PLCE1: variants seen among roughly 807,000 people sequenced by gnomAD.
The protein encoded by PLCE1 is phospholipase C epsilon 1.
PLCE1 carries 119 observed loss-of-function variants against 242.8 expected under a neutral mutation model. That is an observed-to-expected ratio of 0.49 (90% CI 0.42 to 0.57). The LOEUF is 0.57. Ranked by LOEUF, PLCE1 falls within the 20% of genes least tolerant of loss-of-function variation. The pLI is 0.00. For missense variants in PLCE1, 2,441 were observed against 2,788.8 expected, an observed-to-expected ratio of 0.88 and a Z score of 2.81; for synonymous variants, 945 against 1,017.4, an observed-to-expected ratio of 0.93 and a Z score of 1.35.
chr10:94,033,040 A>G (rs7896839), intron 2 of PLCE1, among the ~76,000 whole-genome samples: 49,101 of 151,848 alleles, frequency 0.32, 8,725 homozygotes, highest in African/African-American at 0.48. Context: ...CACTATTTAC[A>G]TAGTATAAGG....
At chr10:94,272,508 AT>A (rs1434452611) in intron 18 of PLCE1, among the ~76,000 whole-genome samples, 3 of 152,156 alleles carry the variant, frequency 2.0e-5, no homozygotes, top group Non-Finnish European at 2.9e-5. Flanking sequence ...TTTACAATCA[AT>A]TTGTACAATA....
intron 2 of PLCE1, among the ~76,000 whole-genome samples, chr10:94,123,468 G>A (rs2046355053): frequency 6.6e-6 from 1 of 152,210 alleles, no homozygotes; most frequent in African/African-American, 2.4e-5. Flanking sequence ...AATACTCTCA[G>A]TAGAATGGAA....
chr10:94,205,068 T>C (rs1211095444), intron 4 of PLCE1, among the ~76,000 whole-genome samples: 1 of 152,238 alleles, frequency 6.6e-6, no homozygotes, highest in Admixed American at 6.5e-5. Flanking sequence ...ACTTTTAAGA[T>C]GTTTTTCTTG....
intron 3 of PLCE1, 61 bp downstream of exon 3, chr10:94,132,520 AAG>A: frequency 6.8e-7 from 1 of 1,473,204 alleles, no homozygotes; most frequent in Non-Finnish European, 9.5e-7. Flanking sequence ...GATCTAAGTT[AAG>A]ATTTATGTAT....
At chr10:94,265,110 G>A (rs1481563049) in intron 14 of PLCE1, among the ~76,000 whole-genome samples, 2 of 152,234 alleles carry the variant, frequency 1.3e-5, no homozygotes, top group Non-Finnish European at 2.9e-5. Context: ...GAGAGGAGCG[G>A]TGTGGCTCCA....
At chr10:94,174,320 A>G (rs1490246517) in intron 4 of PLCE1, among the ~76,000 whole-genome samples, 1 of 152,216 alleles carries the variant, frequency 6.6e-6, no homozygotes, top group Non-Finnish European at 1.5e-5. Context: ...ACTTATAGAA[A>G]AATTTCAATT....
At chr10:94,135,228 A>G (rs1311515151) in intron 3 of PLCE1, among the ~76,000 whole-genome samples, 4 of 152,220 alleles carry the variant, frequency 2.6e-5, no homozygotes, top group African/African-American at 9.6e-5. Flanking sequence ...ATCATGTTGT[A>G]CATTACAAAT....
intron 18 of PLCE1, among the ~76,000 whole-genome samples, chr10:94,272,264 C>A (rs2051774345): frequency 6.6e-6 from 1 of 152,104 alleles, no homozygotes; most frequent in Non-Finnish European, 1.5e-5. Flanking sequence ...CCCAGGAATG[C>A]AATTCTTTTC....
At chr10:94,269,218 C>T (rs528467376) in intron 17 of PLCE1, among the ~76,000 whole-genome samples, 182 bp downstream of exon 17, 2 of 146,572 alleles carry the variant, frequency 1.4e-5, no homozygotes, top group Admixed American at 1.4e-4. Context: ...TCTCCTACAT[C>T]AGCCTCCCAA....
chr10:94,236,358 C>A (rs1291774269), intron 7 of PLCE1, among the ~76,000 whole-genome samples: 1 of 151,718 alleles, frequency 6.6e-6, no homozygotes, highest in Non-Finnish European at 1.5e-5. Flanking sequence ...CCATCTGTTA[C>A]CCCTTTAAAA....
At chr10:94,254,834 G>T in intron 10 of PLCE1, 59 bp from the exon 11 acceptor site, 1 of 1,582,016 alleles carries the variant, frequency 6.3e-7, no homozygotes. Context: ...GTTTGTATTT[G>T]GTTCTGAGGG....
At chr10:94,303,915 T>C (rs2053120337) in intron 24 of PLCE1, among the ~76,000 whole-genome samples, 1 of 152,158 alleles carries the variant, frequency 6.6e-6, no homozygotes, top group Non-Finnish European at 1.5e-5. Context: ...AGCATTTACA[T>C]TGGATTAGGT....
At chr10:94,166,579 G>GGTGTGTGTGTGTGTGTGTGT (rs56088035) in intron 3 of PLCE1, among the ~76,000 whole-genome samples, 53 of 145,856 alleles carry the variant, frequency 3.6e-4, no homozygotes, top group African/African-American at 1.3e-3. Flanking sequence ...AGAGAAAAAA[G>GGTGTGTGTGTGTGTGTGTGT]GTGTGTGTGT....
At chr10:94,302,644 G>A (rs1456484631) in intron 24 of PLCE1, among the ~76,000 whole-genome samples, 1 of 152,180 alleles carries the variant, frequency 6.6e-6, no homozygotes, top group African/African-American at 2.4e-5. Context: ...AACAATGGGT[G>A]AGGCCATCTG....
At chr10:94,230,626 T>A (rs1287486141) in intron 5 of PLCE1, among the ~76,000 whole-genome samples, 1 of 151,494 alleles carries the variant, frequency 6.6e-6, no homozygotes, top group African/African-American at 2.4e-5. Flanking sequence ...AACAATTTTT[T>A]AAGAGATAAG....
rs17109655 is a variant in PLCE1, at chr10:94,024,877, A to G, written c.-364-5806A>G. 9.8e-3 allele frequency among the ~76,000 whole-genome samples: 1,489 copies of G among 152,222 alleles called. 19 individuals carry two copies. The highest frequency in any genetic ancestry group is 0.033 in the African/African-American group (1,385 of 41,554). On this transcript the variant is annotated intron_variant, in intron 1 of 32. Coordinates refer to ENST00000371380, the MANE Select transcript of PLCE1 (RefSeq NM_016341.4). Reference sequence around the variant, plus strand: ...TTCTGTACTCTTGGACAAGTCATTCAAGCATTCTGAGCCTTATTCCTAAAA... The same window carrying G: ...TTCTGTACTCTTGGACAAGTCATTCGAGCATTCTGAGCCTTATTCCTAAAA...
In PLCE1 at chr10:94,308,679, A is replaced by T; in HGVS notation, c.5983A>T (p.Asn1995Tyr). Residue 1995 changes from asparagine to tyrosine, a missense_variant, in exon 27 of 33, where the codon AAT (asparagine) becomes TAT (tyrosine). Asn to Tyr is a moderately radical substitution (Grantham distance 143). Transcript: ENST00000371380. Reference protein sequence around the residue: ...SRRMEENSSGNTMSASSMFNT... With the variant: ...SRRMEENSSGYTMSASSMFNT... ...AAGGATGGAAGAAAATTCCTCTGGCAATACCATGTCAGCCTCTTCGGTAAT... is the reference window on the plus strand; with the variant it reads ...AAGGATGGAAGAAAATTCCTCTGGCTATACCATGTCAGCCTCTTCGGTAAT... 6.2e-7 allele frequency: 1 copy of T among 1,600,346 alleles called. No individual in the cohort carries two copies. Among genetic ancestry groups the T allele is most frequent in the East Asian group, 2.2e-5 (1 of 44,826 alleles).
At chr10:94,265,228 AT>A (rs2051471512) in intron 14 of PLCE1, among the ~76,000 whole-genome samples, 1 of 152,182 alleles carries the variant, frequency 6.6e-6, no homozygotes, top group South Asian at 2.1e-4. Flanking sequence ...AAATTGTGAG[AT>A]TACTATCACA....
chr10:94,169,325 G>A (rs960828879), intron 3 of PLCE1, among the ~76,000 whole-genome samples: 5 of 152,160 alleles, frequency 3.3e-5, no homozygotes, highest in Admixed American at 6.5e-5. Context: ...AAGGGATGTC[G>A]TTTTTGTTAG....
Sources: allele counts gnomAD v4.1 joint callset (sites outside exome capture counted in the v4.1 genomes callset), GRCh38; gene constraint gnomAD v4.1.1; transcripts MANE v1.5; gene names NCBI Gene and HGNC (gene_info 2026-07-23, HGNC 2026-07-21).